Variants in PLD5 observed in about 807,000 individuals in gnomAD.
The protein encoded by PLD5 is phospholipase D family member 5, also known as inactive phospholipase D5.
In PLD5, 36 loss-of-function variants were observed where a neutral mutation model predicts 61.1. The ratio of observed to expected loss-of-function variants is 0.59; its 90% confidence interval spans 0.45 to 0.78. The LOEUF (loss-of-function observed/expected upper bound fraction) is 0.78. PLD5 is among the 30% of genes least tolerant of loss of function. The pLI is 0.00. For missense variants in PLD5, 515 were observed against 644.4 expected (o/e 0.80, Z 2.17); for synonymous variants, 243 against 242.8 (o/e 1.00, Z -0.01).
chr1:242,192,903 C>T (rs1426861512), intron 5 of PLD5, among the ~76,000 whole-genome samples: 1 of 151,938 alleles, frequency 6.6e-6, no homozygotes, highest in East Asian at 1.9e-4. Context: ...GCTGGAAAAG[C>T]TCTCCGGGCC....
At chr1:242,107,302 C>T (rs1286128835) in intron 8 of PLD5, among the ~76,000 whole-genome samples, 4 of 152,048 alleles carry the variant, frequency 2.6e-5, no homozygotes, top group Non-Finnish European at 2.9e-5. Context: ...ATGGTGAAGC[C>T]CCATCTCTAC....
intron 1 of PLD5, among the ~76,000 whole-genome samples, chr1:242,397,532 A>G (rs533922832): frequency 2.0e-5 from 3 of 151,970 alleles, no homozygotes; most frequent in African/African-American, 7.2e-5. Flanking sequence ...AAGAACAGCA[A>G]TCTCCATAAG....
Position 242,453,977 on chromosome 1 carries a change from A to T in PLD5, c.189+70111T>A, listed in dbSNP as rs1264570818. 6.6e-5 allele frequency among the ~76,000 whole-genome samples: 10 copies of T among 152,168 alleles called. No individual in the cohort carries two copies. In the East Asian group the frequency reaches 1.9e-3, roughly 29 times the overall value. On this transcript the variant is annotated intron_variant, in intron 1 of 9. Coordinates refer to ENST00000536534, the MANE Select transcript of PLD5 (RefSeq NM_001372062.1). ...CAGGCAGCAGGGCTAGGAGAGCTCA[A>T]CGTGCGCTGGTGATTAGAGACCCTT...
chr1:242,340,019 A>G (rs1348167083), intron 2 of PLD5, among the ~76,000 whole-genome samples: 2 of 152,222 alleles, frequency 1.3e-5, no homozygotes, highest in Non-Finnish European at 2.9e-5. Flanking sequence ...AGAAATAGAT[A>G]CTGGCACTGA....
intron 2 of PLD5, among the ~76,000 whole-genome samples, chr1:242,300,276 T>C (rs1675949325): frequency 6.6e-6 from 1 of 151,786 alleles, no homozygotes; most frequent in South Asian, 2.1e-4. Flanking sequence ...CTGTCTCTAC[T>C]GAAAATACAA....
intron 5 of PLD5, among the ~76,000 whole-genome samples, chr1:242,212,003 G>A (rs1669854549): frequency 6.6e-6 from 1 of 152,192 alleles, no homozygotes; most frequent in South Asian, 2.1e-4. Flanking sequence ...CAAGTGGGGA[G>A]AAATCTTAAA....
chr1:242,113,799 CT>C (rs1661729636), intron 7 of PLD5, 90 bp downstream of exon 7: 1 of 1,444,368 alleles, frequency 6.9e-7, no homozygotes, highest in Admixed American at 2.4e-5. Flanking sequence ...CTGATGGCAT[CT>C]CCATTTCCAG....
chr1:242,107,599 T>C, intron 8 of PLD5, 72 bp downstream of exon 8: 4 of 1,386,614 alleles, frequency 2.9e-6, no homozygotes, highest in Non-Finnish European at 3.9e-6. Flanking sequence ...CATAGGCGTA[T>C]GCTTGCAGCT....
At chr1:242,173,651 C>T (rs1666914461) in intron 5 of PLD5, among the ~76,000 whole-genome samples, 1 of 152,198 alleles carries the variant, frequency 6.6e-6, no homozygotes, top group African/African-American at 2.4e-5. Context: ...AACTATACTA[C>T]AAGACTACAG....
chr1:242,100,712 A>T lies in PLD5; in HGVS notation c.1310T>A (p.Leu437Ter), dbSNP rs1276954236. The T allele has an allele frequency of 3.1e-6, 5 of 1,614,124 alleles. No individual in the cohort carries two copies. Among genetic ancestry groups the T allele is most frequent in the Non-Finnish European group, 4.2e-6 (5 of 1,180,014 alleles). ...TGTCACCATGTACTTGTTGCGATTT[A>T]ACCTAGGAAAGGTGTGATTCTTTTG... ...KEQKNHTFPR[L>*]NRNKYMVTDG... Residue 437 changes from leucine (L) to a stop codon, truncating the protein, a stop_gained, in exon 9 of 10, where the codon TTA becomes TAA. Transcript: ENST00000536534. LOFTEE classifies it high-confidence loss of function.
At chr1:242,493,999 A>G (rs1668264587) in intron 1 of PLD5, among the ~76,000 whole-genome samples, 1 of 152,112 alleles carries the variant, frequency 6.6e-6, no homozygotes, top group Non-Finnish European at 1.5e-5. Context: ...CTTCCTTTTT[A>G]TCTTTCACCA....
chr1:242,126,521 A>G (rs1270441707), intron 5 of PLD5, among the ~76,000 whole-genome samples: 1 of 152,220 alleles, frequency 6.6e-6, no homozygotes, highest in Non-Finnish European at 1.5e-5. Flanking sequence ...CTTACAGCCA[A>G]CTGATCTATG....
At chr1:242,414,250 GTT>G (rs1466686132) in intron 1 of PLD5, among the ~76,000 whole-genome samples, 1 of 152,148 alleles carries the variant, frequency 6.6e-6, no homozygotes, top group Non-Finnish European at 1.5e-5. Context: ...AGGATTGAGT[GTT>G]TAATTGTTTA....
upstream of PLD5, among the ~76,000 whole-genome samples, chr1:242,527,784 G>C (rs1669480813): frequency 6.6e-6 from 1 of 152,180 alleles, no homozygotes; most frequent in Non-Finnish European, 1.5e-5. Flanking sequence ...GAAAAATAGT[G>C]TTTCTGAAGA....
intron 5 of PLD5, among the ~76,000 whole-genome samples, chr1:242,173,659 C>T (rs1253144792): frequency 3.3e-5 from 5 of 152,288 alleles, no homozygotes; most frequent in African/African-American, 9.6e-5. Flanking sequence ...TACAAGACTA[C>T]AGTAACCAAA....
chr1:242,343,338 C>T (rs1287588819), intron 2 of PLD5, among the ~76,000 whole-genome samples: 1 of 152,142 alleles, frequency 6.6e-6, no homozygotes, highest in Non-Finnish European at 1.5e-5. Context: ...AAAGATAACA[C>T]ATTGGACTTC....
chr1:242,101,376 A>G (rs1386091748), intron 8 of PLD5, among the ~76,000 whole-genome samples: 1 of 152,020 alleles, frequency 6.6e-6, no homozygotes, highest in Non-Finnish European at 1.5e-5. Flanking sequence ...TCAAAAGGTG[A>G]CATTCCAGTT....
At chr1:242,386,160 T>C (rs1662589579) in intron 1 of PLD5, among the ~76,000 whole-genome samples, 1 of 152,190 alleles carries the variant, frequency 6.6e-6, no homozygotes, top group Non-Finnish European at 1.5e-5. Flanking sequence ...GGATTAGGGC[T>C]CACCCTAACC....
intron 5 of PLD5, among the ~76,000 whole-genome samples, chr1:242,200,759 G>A (rs1310330325): frequency 2.6e-5 from 4 of 152,220 alleles, no homozygotes; most frequent in Admixed American, 6.5e-5. Flanking sequence ...TCTGTGAAAT[G>A]AGGCTTCTGA....
Sources: gnomAD v4.1 joint callset for allele counts (sites outside exome capture counted in the v4.1 genomes callset) on GRCh38, gnomAD v4.1.1 for gene constraint, MANE v1.5 for transcripts, NCBI Gene and HGNC (gene_info 2026-07-23, HGNC 2026-07-21) for gene names.